HBS1L: variants seen among roughly 807,000 people sequenced by gnomAD.
HBS1L encodes HBS1 like translational GTPase, also known as HBS1-like protein.
A neutral mutation model predicts 88.9 loss-of-function variants in HBS1L; 55 were observed. The observed-to-expected ratio is 0.62, with a 90% confidence interval of 0.50 to 0.77. The LOEUF is 0.77. Among genes scored for constraint, HBS1L ranks in the 30% least tolerant of loss-of-function variants. The pLI, the probability that HBS1L is intolerant of heterozygous loss-of-function variation, is 0.00. For missense variants in HBS1L, 741 were observed against 829.3 expected, an observed-to-expected ratio of 0.89 and a Z score of 1.31; for synonymous variants, 267 against 288.5, an observed-to-expected ratio of 0.93 and a Z score of 0.76.
rs1226908840 is a variant in HBS1L, at chr6:134,964,041, T to C, written c.*1238A>G. 6.6e-6 allele frequency: 1 copy of C among 152,212 alleles called. No individual in the cohort carries two copies. Among genetic ancestry groups the C allele is most frequent in the East Asian group, 1.9e-4 (1 of 5,202 alleles). 9.4% of individuals were successfully genotyped at this position (152,212 alleles called of 1,614,324 possible). ...ACCAAGTGTGTTCACTTGGTAATCA[T>C]TCACTAAGCAACACATGTATAATCT... On this transcript the variant is annotated 3_prime_UTR_variant, in exon 18 of 18. Coordinates refer to ENST00000367837, the MANE Select transcript of HBS1L (RefSeq NM_006620.4).
chr6:135,021,005 G>A (rs1020449660), intron 4 of HBS1L, among the ~76,000 whole-genome samples: 1 of 152,000 alleles, frequency 6.6e-6, no homozygotes, highest in Admixed American at 6.5e-5. Context: ...CACACACAAA[G>A]TATAAAAATG....
chr6:135,007,993 T>C (rs112927034), intron 4 of HBS1L, among the ~76,000 whole-genome samples: 1 of 152,212 alleles, frequency 6.6e-6, no homozygotes, highest in Non-Finnish European at 1.5e-5. Flanking sequence ...AACTTTTCCA[T>C]GAAGTACGTA....
Position 134,978,800 on chromosome 6 carries a change from CAA to C in HBS1L, c.1689-15_1689-14del, listed in dbSNP as rs747297412. ...TATGCAGCCAACACTGTAAGAACAACAAAAAAAGAGGAAAGGTAATTGGGGGA... is the reference window on the plus strand; with the variant it reads ...TATGCAGCCAACACTGTAAGAACAACAAAAAGAGGAAAGGTAATTGGGGGA... On this transcript the variant is annotated splice_polypyrimidine_tract_variant and intron_variant, in intron 14 of 17. Coordinates refer to ENST00000367837, the MANE Select transcript of HBS1L (RefSeq NM_006620.4). 1 of 1,515,272 alleles carries C rather than the reference CAA, an allele frequency of 6.6e-7. No individual in the cohort carries two copies. The highest frequency in any genetic ancestry group is 1.2e-5 in the South Asian group (1 of 82,364). 93.9% of individuals were successfully genotyped at this position (1,515,272 alleles called of 1,614,324 possible).
chr6:135,029,025 C>T (rs760963017), intron 4 of HBS1L, among the ~76,000 whole-genome samples: 44 of 151,992 alleles, frequency 2.9e-4, no homozygotes, highest in Non-Finnish European at 6.0e-4. Context: ...TAAAAAGGTA[C>T]TACAATAAAT....
intron 4 of HBS1L, among the ~76,000 whole-genome samples, chr6:135,018,366 C>T (rs1381362194): frequency 6.6e-6 from 1 of 151,952 alleles, no homozygotes; most frequent in African/African-American, 2.4e-5. Flanking sequence ...CTCATCAAAT[C>T]CATTATAAAG....
At chr6:135,002,561 A>C (rs1775491845) in intron 5 of HBS1L, 173 bp downstream of exon 5, 1 of 469,532 alleles carries the variant, frequency 2.1e-6, no homozygotes, top group Non-Finnish European at 3.9e-6. Context: ...GGCCAGAATC[A>C]AGCCTAATTT....
intron 3 of HBS1L, among the ~76,000 whole-genome samples, chr6:135,040,075 T>C (rs1776682862): frequency 6.6e-6 from 1 of 152,232 alleles, no homozygotes; most frequent in African/African-American, 2.4e-5. Context: ...CCAGTGATGA[T>C]GGTATCTGCA....
chr6:134,990,187 T>C (rs931269222), intron 8 of HBS1L, among the ~76,000 whole-genome samples: 4 of 152,166 alleles, frequency 2.6e-5, no homozygotes, highest in African/African-American at 7.2e-5. Flanking sequence ...CTCCAAAAAA[T>C]TACTGGGAAA....
At chr6:135,037,304 C>CT in intron 4 of HBS1L, 1 of 1,551,784 alleles carries the variant, frequency 6.4e-7, no homozygotes, top group Non-Finnish European at 8.7e-7. Context: ...ATATTGTTTT[C>CT]TTTGTGTTCC....
intron 12 of HBS1L, among the ~76,000 whole-genome samples, chr6:134,984,557 T>C (rs567897973): frequency 6.6e-6 from 1 of 152,306 alleles, no homozygotes; most frequent in African/African-American, 2.4e-5. Context: ...TCACTCTGCA[T>C]TGCTGGCTCT....
At chr6:135,008,514 C>A (rs977538601) in intron 4 of HBS1L, among the ~76,000 whole-genome samples, 7 of 152,220 alleles carry the variant, frequency 4.6e-5, no homozygotes, top group African/African-American at 1.4e-4. Context: ...CCAGTGGTTA[C>A]CCCTTGAGAA....
chr6:134,990,248 A>G (rs1775093839), intron 8 of HBS1L, among the ~76,000 whole-genome samples: 1 of 152,192 alleles, frequency 6.6e-6, no homozygotes, highest in South Asian at 2.1e-4. Flanking sequence ...TTGGGAGTCC[A>G]AATGCCTACT....
intron 1 of HBS1L, among the ~76,000 whole-genome samples, chr6:135,053,285 A>G (rs1038537961): frequency 1.3e-5 from 2 of 152,120 alleles, no homozygotes; most frequent in African/African-American, 2.4e-5. Flanking sequence ...AGCATTTTTC[A>G]TACTCTAATA....
chr6:134,974,337 GAAAT>G (rs1174681841), intron 15 of HBS1L, among the ~76,000 whole-genome samples: 1 of 152,018 alleles, frequency 6.6e-6, no homozygotes, highest in Non-Finnish European at 1.5e-5. Flanking sequence ...GACATTCAAA[GAAAT>G]AATACCAATC....
chr6:135,006,157 A>C (rs950890829), intron 4 of HBS1L, among the ~76,000 whole-genome samples: 2 of 152,208 alleles, frequency 1.3e-5, no homozygotes, highest in Admixed American at 1.3e-4. Context: ...TATAAGAAGA[A>C]AGTATATGGC....
intron 2 of HBS1L, among the ~76,000 whole-genome samples, chr6:135,043,049 G>C (rs1248945884): frequency 6.6e-6 from 1 of 152,044 alleles, no homozygotes; most frequent in African/African-American, 2.4e-5. Context: ...ATATATAACT[G>C]GGTATTCATA....
chr6:134,966,573 CAACT>C (rs928231956), intron 16 of HBS1L, 100 bp from the exon 17 acceptor site: 12 of 719,962 alleles, frequency 1.7e-5, no homozygotes, highest in Admixed American at 2.9e-5. Flanking sequence ...ACCAACATAT[CAACT>C]GAGTCTTTCA....
intron 4 of HBS1L, among the ~76,000 whole-genome samples, chr6:135,023,641 T>C (rs2114861823): frequency 6.6e-6 from 1 of 152,306 alleles, no homozygotes; most frequent in South Asian, 2.1e-4. Context: ...AAAAGCTTTA[T>C]TTGAAGGGAA....
intron 4 of HBS1L, chr6:135,037,282 A>C (rs1467532762): frequency 6.4e-7 from 1 of 1,551,872 alleles, no homozygotes; most frequent in African/African-American, 1.4e-5. Flanking sequence ...AGATAAAGTA[A>C]AGCACTGGCT....
Sources: gnomAD v4.1 joint callset for allele counts (sites outside exome capture counted in the v4.1 genomes callset) on GRCh38, gnomAD v4.1.1 for gene constraint, MANE v1.5 for transcripts, NCBI Gene and HGNC (gene_info 2026-07-23, HGNC 2026-07-21) for gene names.